The following RIC3 variants were observed in gnomAD, a reference collection of about 807,000 sequenced individuals.
RIC3 encodes protein RIC-3.
A neutral mutation model predicts 27.3 loss-of-function variants in RIC3; 28 were observed. The observed-to-expected ratio is 1.02, with a 90% CI of 0.76 to 1.41. The LOEUF (loss-of-function observed/expected upper bound fraction) is 1.41, where lower values mean the gene tolerates loss of function less well. Ranked by LOEUF, RIC3 falls within the 40% of genes most tolerant of loss-of-function variation. The probability of loss-of-function intolerance (pLI) is 0.00; values close to 1 mark genes in which losing one functional copy is unlikely to be tolerated. For synonymous variants in RIC3, 184 were observed against 160.4 expected (o/e 1.15, Z -1.11); for missense variants, 501 against 444.7 (o/e 1.13, Z -1.14).
At chr11:8,140,734 T>C (rs546946712) in intron 1 of RIC3, among the ~76,000 whole-genome samples, 10 of 152,260 alleles carry the variant, frequency 6.6e-5, no homozygotes, top group East Asian at 1.9e-4. Context: ...TCAACTTCTA[T>C]TGTGTTAGGG....
chr11:8,131,624 G>A (rs1250985687), intron 4 of RIC3, among the ~76,000 whole-genome samples: 1 of 152,112 alleles, frequency 6.6e-6, no homozygotes, highest in Non-Finnish European at 1.5e-5. Flanking sequence ...ATAGGGGCCA[G>A]GTGCGGTGGC....
chr11:8,134,004 T>A (rs1270094815), intron 4 of RIC3, among the ~76,000 whole-genome samples: 1 of 151,694 alleles, frequency 6.6e-6, no homozygotes, highest in African/African-American at 2.4e-5. Context: ...ATATATATAT[T>A]TTTTATTATA....
At chr11:8,135,934 G>C (rs1198736073) in intron 4 of RIC3, 2 of 152,158 alleles carry the variant, frequency 1.3e-5, no homozygotes, top group African/African-American at 4.8e-5. Flanking sequence ...GTTAGATAAT[G>C]TATATAAAGC....
At chr11:8,147,595 T>C (rs773022293) in intron 1 of RIC3, among the ~76,000 whole-genome samples, 4 of 152,212 alleles carry the variant, frequency 2.6e-5, no homozygotes, top group Non-Finnish European at 4.4e-5. Context: ...TTATTTGTTA[T>C]GTGAAGTTAT....
At chr11:8,113,387 C>T (rs182570740) in intron 5 of RIC3, among the ~76,000 whole-genome samples, 73 of 152,338 alleles carry the variant, frequency 4.8e-4, no homozygotes, top group African/African-American at 1.7e-3. Flanking sequence ...ATAATGCCTG[C>T]ACCCACAGAC....
intron 1 of RIC3, among the ~76,000 whole-genome samples, chr11:8,162,954 C>T (rs1951317704): frequency 6.6e-6 from 1 of 151,528 alleles, no homozygotes; most frequent in South Asian, 2.1e-4. Context: ...CCCTAAGCCT[C>T]TGTGTTTCTT....
intron 1 of RIC3, among the ~76,000 whole-genome samples, chr11:8,155,058 A>T (rs1011633409): frequency 3.3e-5 from 5 of 151,946 alleles, no homozygotes; most frequent in African/African-American, 1.2e-4. Context: ...CTCTCTACGA[A>T]AAACTTTTAT....
At chr11:8,098,674 G>C in the RIC3 span, 3 of 990,310 alleles carry the variant, frequency 3.0e-6, no homozygotes, top group South Asian at 4.6e-5. Context: ...TGTTTTGCAG[G>C]CTCCTCATAG....
intron 2 of RIC3, 141 bp downstream of exon 2, chr11:8,139,826 T>G (rs948742576): frequency 2.2e-5 from 16 of 720,582 alleles, no homozygotes; most frequent in Admixed American, 8.8e-5. Context: ...CCTAAGTACC[T>G]CATGAAGAGG....
At chr11:8,101,670 G>A, downstream of RIC3, 1 of 1,599,172 alleles carries the variant, frequency 6.3e-7, no homozygotes, top group South Asian at 1.1e-5. Flanking sequence ...GAGCTTGCCT[G>A]CCTGCCTGTG....
the RIC3 span, among the ~76,000 whole-genome samples, chr11:8,096,402 T>C: frequency 6.6e-6 from 1 of 152,116 alleles, no homozygotes; most frequent in Admixed American, 6.6e-5. Flanking sequence ...AGTGGGGTAA[T>C]GTAGGGACTG....
At chr11:8,157,904 C>A (rs530192505) in intron 1 of RIC3, among the ~76,000 whole-genome samples, 2 of 152,182 alleles carry the variant, frequency 1.3e-5, no homozygotes, top group Admixed American at 1.3e-4. Flanking sequence ...CTCAAATTGT[C>A]TGTTGTTTTC....
chr11:8,148,703 A>G (rs952199790), intron 1 of RIC3, among the ~76,000 whole-genome samples: 1 of 152,178 alleles, frequency 6.6e-6, no homozygotes, highest in Admixed American at 6.5e-5. Flanking sequence ...TATGCAAGAA[A>G]AGAAGAGAGC....
intron 4 of RIC3, chr11:8,135,555 T>G (rs1948293111): frequency 6.6e-6 from 1 of 152,136 alleles, no homozygotes; most frequent in Non-Finnish European, 1.5e-5. Context: ...TGGCGTTGAA[T>G]CTATAAATTA....
At chr11:8,095,802 A>G in the RIC3 span, 2 of 965,908 alleles carry the variant, frequency 2.1e-6, no homozygotes, top group Admixed American at 5.7e-5. Context: ...CACACTTCGG[A>G]GACAAATGAG....
In RIC3 at chr11:8,140,586, G is replaced by A. The variant is rs148947701; in HGVS notation, c.125-393C>T. 2.6e-3 allele frequency among the ~76,000 whole-genome samples: 401 copies of A among 152,210 alleles called. 3 individuals are homozygous for A. Among genetic ancestry groups the A allele is most frequent in the African/African-American group, 9.2e-3 (383 of 41,524 alleles). On this transcript the variant is annotated intron_variant, in intron 1 of 5. Coordinates refer to ENST00000309737, the MANE Select transcript of RIC3 (RefSeq NM_001206671.4). ...CTGCAGCATGGATGCTAACACCCACGGGGACCTTGGAAGCCACGGGTAGAA... is the reference window on the plus strand; with the variant it reads ...CTGCAGCATGGATGCTAACACCCACAGGGACCTTGGAAGCCACGGGTAGAA...
intron 1 of RIC3, among the ~76,000 whole-genome samples, chr11:8,140,845 C>G (rs931996432): frequency 1.9e-4 from 29 of 151,786 alleles, no homozygotes; most frequent in Admixed American, 7.2e-4. Flanking sequence ...GGCAGAAACC[C>G]TACAAGCCAG....
At chr11:8,168,474 A>G (rs1030206347) in intron 1 of RIC3, among the ~76,000 whole-genome samples, 1 of 152,190 alleles carries the variant, frequency 6.6e-6, no homozygotes, top group East Asian at 1.9e-4. Context: ...GCGGCGCGTC[A>G]GAAAGTACAC....
intron 1 of RIC3, among the ~76,000 whole-genome samples, chr11:8,152,893 A>C (rs1272613481): frequency 6.6e-6 from 1 of 152,176 alleles, no homozygotes; most frequent in Non-Finnish European, 1.5e-5. Context: ...ACCTCTACAC[A>C]GCTCTGACTG....
Sources: allele counts gnomAD v4.1 joint callset (sites outside exome capture counted in the v4.1 genomes callset), GRCh38; gene constraint gnomAD v4.1.1; transcripts MANE v1.5; gene names NCBI Gene and HGNC (gene_info 2026-07-23, HGNC 2026-07-21).